NID1: variants seen among roughly 807,000 people sequenced by gnomAD.
NID1 encodes nidogen-1.
A neutral mutation model predicts 130.6 loss-of-function variants in NID1; 76 were observed. That is an observed-to-expected ratio of 0.58 (90% confidence interval 0.48 to 0.70). NID1 has a LOEUF of 0.70. Ranked by LOEUF, NID1 falls within the 30% of genes least tolerant of loss-of-function variation. NID1 has a pLI of 0.00. For synonymous variants in NID1, 665 were observed against 675.1 expected (o/e 0.98, Z 0.23); for missense variants, 1,517 against 1,664.8 (o/e 0.91, Z 1.54).
chr1:235,982,619 G>A (rs1657471074), intron 15 of NID1, among the ~76,000 whole-genome samples: 1 of 152,162 alleles, frequency 6.6e-6, no homozygotes, highest in South Asian at 2.1e-4. Flanking sequence ...TGGGTAACAT[G>A]AACCTTCACT....
At chr1:236,025,492 C>T (rs1243775762) in intron 8 of NID1, among the ~76,000 whole-genome samples, 1 of 152,000 alleles carries the variant, frequency 6.6e-6, no homozygotes, top group Admixed American at 6.6e-5. Flanking sequence ...AAACTCCTGA[C>T]CTCAAGTGAT....
At chr1:235,981,003 C>A (rs1216060026) in intron 16 of NID1, among the ~76,000 whole-genome samples, 1 of 152,202 alleles carries the variant, frequency 6.6e-6, no homozygotes, top group East Asian at 1.9e-4. Context: ...GAGAGCACAG[C>A]AGACCCAGGG....
intron 12 of NID1, among the ~76,000 whole-genome samples, chr1:235,999,786 G>A (rs571627294): frequency 4.6e-5 from 7 of 152,092 alleles, no homozygotes; most frequent in South Asian, 2.1e-4. Context: ...TTCCAAGTCC[G>A]CCTACCATCG....
chr1:235,984,818 GCA>G (rs1348250699), intron 15 of NID1, among the ~76,000 whole-genome samples: 1 of 152,170 alleles, frequency 6.6e-6, no homozygotes, highest in African/African-American at 2.4e-5. Flanking sequence ...GAAAAACAAA[GCA>G]CAGAGTCATT....
intron 12 of NID1, among the ~76,000 whole-genome samples, chr1:235,998,038 G>A (rs1377725274): frequency 6.6e-6 from 1 of 152,180 alleles, no homozygotes; most frequent in Non-Finnish European, 1.5e-5. Flanking sequence ...TCAGTGGGAG[G>A]TGACGAGACA....
At chr1:236,031,799 C>T (rs1295766033) in intron 6 of NID1, among the ~76,000 whole-genome samples, 4 of 152,198 alleles carry the variant, frequency 2.6e-5, no homozygotes, top group African/African-American at 9.6e-5. Flanking sequence ...GGAAACATCC[C>T]TCAAGCCATC....
chr1:236,040,783 C>T (rs759950528), intron 4 of NID1, among the ~76,000 whole-genome samples: 1 of 151,926 alleles, frequency 6.6e-6, no homozygotes, highest in Non-Finnish European at 1.5e-5. Context: ...CTGGCCTCAG[C>T]CTCCAGATTG....
chr1:236,017,105 C>T, intron 10 of NID1, 43 bp downstream of exon 10: 1 of 1,613,070 alleles, frequency 6.2e-7, no homozygotes, highest in Non-Finnish European at 8.5e-7. Flanking sequence ...AGCTAATGCA[C>T]ACCATGTGAA....
chr1:235,999,516 A>T (rs923142169), intron 12 of NID1, among the ~76,000 whole-genome samples: 1 of 151,934 alleles, frequency 6.6e-6, no homozygotes, highest in African/African-American at 2.4e-5. Context: ...CCCATGGGAA[A>T]CTTTCCATTA....
Position 235,991,073 on chromosome 1 carries a change from G to A in NID1, c.2756-15C>T. The stretch of plus-strand genomic sequence containing the variant: ...TGTACTCAGACCTGCATGGCAGAGG[G>A]GGTCAGTGAGGGAGGCCCGTGTGCA... On this transcript the variant is annotated splice_polypyrimidine_tract_variant and intron_variant, in intron 13 of 19. Coordinates refer to ENST00000264187, the MANE Select transcript of NID1 (RefSeq NM_002508.3). The A allele has an allele frequency of 6.4e-7, 1 of 1,558,184 alleles. No individual in the cohort carries two copies. Among genetic ancestry groups the A allele is most frequent in the Non-Finnish European group, 8.7e-7 (1 of 1,155,164 alleles).
chr1:235,981,803 C>T, intron 15 of NID1, 21 bp from the exon 16 acceptor site: 1 of 1,568,090 alleles, frequency 6.4e-7, no homozygotes, highest in Non-Finnish European at 8.6e-7. Flanking sequence ...ACACAGAGCT[C>T]CTCTAATTTT....
intron 9 of NID1, 133 bp downstream of exon 9, chr1:236,023,937 A>T: frequency 8.6e-7 from 1 of 1,159,448 alleles, no homozygotes. Flanking sequence ...TAAATAATTC[A>T]GGCCTGGCAT....
At chr1:236,061,931 T>G (rs896823923) in intron 1 of NID1, among the ~76,000 whole-genome samples, 36 of 152,158 alleles carry the variant, frequency 2.4e-4, no homozygotes, top group Non-Finnish European at 2.9e-4. Context: ...ATAAGAAATG[T>G]TGGTGAGGAC....
rs1572617750 is a variant in NID1 at position 236,045,632 on chromosome 1, T to C, written c.577A>G (p.Ile193Val). ...LASSDSSSYA[I>V]FLYPEDGLQF... is the part of the protein sequence containing the mutation. ...AGACCATCCTCAGGATAAAGGAAAA[T>C]GGCATAGGAGCTGGAATCAGAGGAG... Residue 193 changes from isoleucine to valine, a missense_variant, in exon 3 of 20, where the codon ATT becomes GTT. Ile to Val is a conservative substitution (Grantham distance 29). Around this residue, in one of 3 missense-constraint regions of NID1, gnomAD observed 1,329 missense variants for 1,429.2 expected, o/e 0.93. Coordinates refer to ENST00000264187, the MANE Select transcript of NID1 (RefSeq NM_002508.3). The C allele has an allele frequency of 1.9e-6, 3 of 1,614,138 alleles. No individual in the cohort carries two copies. The highest frequency in any genetic ancestry group is 2.5e-6 in the Non-Finnish European group (3 of 1,180,018).
chr1:235,990,628 C>T (rs967631621), intron 14 of NID1, among the ~76,000 whole-genome samples: 4 of 152,186 alleles, frequency 2.6e-5, no homozygotes, highest in South Asian at 2.1e-4. Flanking sequence ...CTTGTTGCTA[C>T]GTCAGAGCAG....
At chr1:236,004,329 G>T (rs1406961244) in intron 12 of NID1, among the ~76,000 whole-genome samples, 1 of 152,182 alleles carries the variant, frequency 6.6e-6, no homozygotes, top group Non-Finnish European at 1.5e-5. Flanking sequence ...TGTCATCTTT[G>T]TGTGGCAGAC....
At chr1:236,017,350 T>C in intron 9 of NID1, 77 bp from the exon 10 acceptor site, 1 of 1,504,336 alleles carries the variant, frequency 6.6e-7, no homozygotes, top group Admixed American at 1.9e-5. Flanking sequence ...TAAAATAGCA[T>C]TGTCACCTAA....
chr1:236,019,107 A>C (rs1387922912), intron 9 of NID1, among the ~76,000 whole-genome samples: 1 of 152,256 alleles, frequency 6.6e-6, no homozygotes, highest in Non-Finnish European at 1.5e-5. Flanking sequence ...AGGTCTCAGG[A>C]CTGAACCAGG....
chr1:236,049,598 C>T (rs1364707360), intron 1 of NID1, among the ~76,000 whole-genome samples: 1 of 152,132 alleles, frequency 6.6e-6, no homozygotes, highest in Non-Finnish European at 1.5e-5. Flanking sequence ...CACAATATAG[C>T]ATCAAGAAGC....
Sources: gnomAD v4.1 joint callset for allele counts (sites outside exome capture counted in the v4.1 genomes callset) on GRCh38, gnomAD v4.1.1 for gene constraint, gnomAD v4.1.1 regional missense constraint, MANE v1.5 for transcripts, NCBI Gene and HGNC (gene_info 2026-07-23, HGNC 2026-07-21) for gene names.